DYTN: variants seen among roughly 807,000 people sequenced by gnomAD.
DYTN encodes the protein dystrotelin.
In DYTN, 75 loss-of-function variants were observed where a neutral mutation model predicts 69.6. The ratio of observed to expected loss-of-function variants is 1.08; its 90% CI spans 0.89 to 1.31. DYTN has a LOEUF of 1.31. Among genes scored for constraint, DYTN ranks in the 50% most tolerant of loss-of-function variants. The pLI, the probability that DYTN is intolerant of heterozygous loss-of-function variation, is 0.00. For synonymous variants in DYTN, 252 were observed against 249.1 expected (o/e 1.01, Z -0.11); for missense variants, 726 against 688.4 (o/e 1.05, Z -0.61).
chr2:206,654,232 C>T (rs917706641), intron 11 of DYTN, among the ~76,000 whole-genome samples: 62 of 152,136 alleles, frequency 4.1e-4, no homozygotes, highest in African/African-American at 1.4e-3. Flanking sequence ...CCTCGGACAA[C>T]ATGAATTTGA....
chr2:206,663,862 C>A (rs867110086), intron 10 of DYTN, among the ~76,000 whole-genome samples: 2 of 152,148 alleles, frequency 1.3e-5, no homozygotes, highest in South Asian at 4.1e-4. Context: ...GGCCCACAGA[C>A]CCTAGGAGAT....
At chr2:206,677,819 C>T (rs960227426) in intron 9 of DYTN, among the ~76,000 whole-genome samples, 3 of 152,036 alleles carry the variant, frequency 2.0e-5, no homozygotes, top group Non-Finnish European at 4.4e-5. Flanking sequence ...AGTGAAACCC[C>T]GTCTCTACTA....
intron 11 of DYTN, among the ~76,000 whole-genome samples, chr2:206,652,876 A>T (rs13417109): frequency 0.024 from 3,673 of 152,298 alleles, 74 homozygotes; most frequent in African/African-American, 0.05. Flanking sequence ...TTCATTTTTT[A>T]AAAAATCTGT....
chr2:206,694,744 G>C, intron 8 of DYTN, 22 bp downstream of exon 8: 1 of 1,561,600 alleles, frequency 6.4e-7, no homozygotes, highest in Non-Finnish European at 8.7e-7. Flanking sequence ...TGAATAGTTT[G>C]GTATGTGACA....
chr2:206,683,944 C>T (rs1386900686), intron 9 of DYTN, among the ~76,000 whole-genome samples: 1 of 152,032 alleles, frequency 6.6e-6, no homozygotes, highest in Non-Finnish European at 1.5e-5. Flanking sequence ...CTTTATTTTT[C>T]TTACCTGCCT....
intron 11 of DYTN, among the ~76,000 whole-genome samples, chr2:206,659,462 C>T (rs1699483898): frequency 1.4e-5 from 2 of 138,498 alleles, no homozygotes; most frequent in Admixed American, 7.7e-5. Flanking sequence ...GCATGAGCCA[C>T]CACGCCGGGC....
At chr2:206,665,484 T>A (rs1332703545) in intron 10 of DYTN, among the ~76,000 whole-genome samples, 1 of 151,720 alleles carries the variant, frequency 6.6e-6, no homozygotes, top group African/African-American at 2.4e-5. Flanking sequence ...CATTTTCATT[T>A]TGTTTCTGTG....
chr2:206,694,165 C>CT (rs1417702555), intron 8 of DYTN, among the ~76,000 whole-genome samples: 1 of 152,118 alleles, frequency 6.6e-6, no homozygotes, highest in East Asian at 1.9e-4. Context: ...AAATAGAATG[C>CT]TTTTTTCTAA....
chr2:206,680,004 AG>A (rs1699733483), intron 9 of DYTN, among the ~76,000 whole-genome samples: 1 of 152,222 alleles, frequency 6.6e-6, no homozygotes, highest in Non-Finnish European at 1.5e-5. Flanking sequence ...ACAGTTCTAG[AG>A]GCTGAAAGTC....
chr2:206,705,222 G>A (rs574568292), intron 4 of DYTN, among the ~76,000 whole-genome samples: 68 of 152,326 alleles, frequency 4.5e-4, no homozygotes, highest in African/African-American at 1.5e-3. Context: ...TCAGCCTTCA[G>A]AGTAGCTGGG....
intron 1 of DYTN, among the ~76,000 whole-genome samples, chr2:206,716,025 T>A (rs11889758): frequency 0.068 from 10,315 of 151,952 alleles, 656 homozygotes; most frequent in African/African-American, 0.16. Flanking sequence ...GAGTTGGAGG[T>A]TGCAGTGAGC....
intron 2 of DYTN, among the ~76,000 whole-genome samples, chr2:206,708,615 C>A (rs1045915674): frequency 6.6e-6 from 1 of 152,122 alleles, no homozygotes. Flanking sequence ...GAACACAGGC[C>A]GATTTCATCT....
intron 9 of DYTN, among the ~76,000 whole-genome samples, chr2:206,690,012 C>T (rs369236805): frequency 1.6e-4 from 24 of 152,062 alleles, no homozygotes; most frequent in African/African-American, 5.6e-4. Flanking sequence ...GAGAGGGGCA[C>T]AGCAATAAAT....
Position 206,665,918 on chromosome 2 carries a change from G to T in DYTN, c.1092C>A (p.Asn364Lys). ...FETRIHKLKT[N>K]QDSLWTKLQQ... is the part of the protein sequence containing the mutation. ...GTAGCTTGGTCCATAGACTATCCTG[G>T]TTGGTTTTGAGTTTGTGAATCCTTG... The change falls in exon 10 of 12, where the codon AAC becomes AAA. Residue 364 changes from asparagine (N) to lysine (K), a missense_variant. By Grantham distance (94) the Asn-to-Lys change is moderately conservative (BLOSUM62 0). Transcript: ENST00000452335. 6.2e-7 allele frequency: 1 copy of T among 1,613,884 alleles called. No homozygotes were observed. The highest frequency in any genetic ancestry group is 8.5e-7 in the Non-Finnish European group (1 of 1,179,846).
At chr2:206,697,055 G>A (rs552119993) in intron 7 of DYTN, among the ~76,000 whole-genome samples, 3 of 152,180 alleles carry the variant, frequency 2.0e-5, no homozygotes, top group African/African-American at 7.2e-5. Context: ...TCAATGAAGT[G>A]TACAACATAA....
chr2:206,698,676 G>A (rs1699945481), intron 7 of DYTN, among the ~76,000 whole-genome samples: 1 of 152,080 alleles, frequency 6.6e-6, no homozygotes, highest in Non-Finnish European at 1.5e-5. Context: ...TTTTATTTAT[G>A]GGAGACCTAT....
rs767190804 is a variant in DYTN, at chr2:206,662,963, C to T, written c.1573G>A (p.Glu525Lys). The T allele has an allele frequency of 5.0e-6, 8 of 1,613,848 alleles. No individual in the cohort carries two copies. In the South Asian group the frequency reaches 7.7e-5, roughly 16 times the overall value. The change falls in exon 11 of 12, where the codon GAG (glutamate) becomes AAG (lysine). Residue 525 changes from glutamate (E) to lysine (K), a missense_variant. Transcript: ENST00000452335. ...TTTGACAATAGTTCTTGCAGTTCCT[C>T]TTCCTCCAGCTCATCCTTTCTCTCC... ...IKERKDELEE[E>K]ELQELLSKLM...
intron 8 of DYTN, among the ~76,000 whole-genome samples, chr2:206,693,883 T>G (rs1428772460): frequency 6.6e-6 from 1 of 152,090 alleles, no homozygotes; most frequent in Non-Finnish European, 1.5e-5. Context: ...CATCAACAAA[T>G]CCAAGACTTT....
chr2:206,706,214 G>C (rs1700023957), intron 3 of DYTN, among the ~76,000 whole-genome samples: 1 of 151,920 alleles, frequency 6.6e-6, no homozygotes, highest in Admixed American at 6.6e-5. Context: ...TGGAAACCAA[G>C]CAACAGAGAT....
Sources: gnomAD v4.1 joint callset for allele counts (sites outside exome capture counted in the v4.1 genomes callset) on GRCh38, gnomAD v4.1.1 for gene constraint, MANE v1.5 for transcripts, NCBI Gene and HGNC (gene_info 2026-07-23, HGNC 2026-07-21) for gene names.